CSNK1A1: variants seen among roughly 807,000 people sequenced by gnomAD.
CSNK1A1 encodes casein kinase I isoform alpha.
CSNK1A1 carries 7 observed loss-of-function variants against 46.1 expected under a neutral mutation model. The observed-to-expected ratio is 0.15, with a 90% CI of 0.09 to 0.29. CSNK1A1 has a LOEUF of 0.29. Ranked by LOEUF, CSNK1A1 falls within the 10% of genes least tolerant of loss-of-function variation. CSNK1A1 has a pLI of 1.00. For synonymous variants in CSNK1A1, 137 were observed against 141.5 expected, an observed-to-expected ratio of 0.97 and a Z score of 0.23; for missense variants, 96 against 417.1, an observed-to-expected ratio of 0.23 and a Z score of 6.71.
intron 9 of CSNK1A1, chr5:149,503,544 C>A: frequency 5.1e-6 from 5 of 984,868 alleles, no homozygotes; most frequent in Non-Finnish European, 6.0e-6. Flanking sequence ...ATTTGTATGA[C>A]CATTGTCTCT....
Position 149,493,398 on chromosome 5 carries a change from G to T in CSNK1A1, c.*3455C>A. On this transcript the variant is annotated 3_prime_UTR_variant, in exon 10 of 10. Transcript: ENST00000377843. ...TTTTTTTTTTTAGATTTCCTTTGTGGCACCATAATAGAATGTTCCAGGTTC... is the reference window on the plus strand; with the variant it reads ...TTTTTTTTTTTAGATTTCCTTTGTGTCACCATAATAGAATGTTCCAGGTTC... 7.0e-6 allele frequency: 1 copy of T among 143,162 alleles called. No individual in the cohort carries two copies. The allele number at this position is 143,162 out of a possible 1,614,324, so 8.9% of individuals were successfully genotyped here.
intron 9 of CSNK1A1, chr5:149,499,162 A>C: frequency 3.0e-6 from 3 of 985,404 alleles, no homozygotes; most frequent in Non-Finnish European, 3.6e-6. Context: ...AGTACTAAGC[A>C]TTCTTTTCCC....
At chr5:149,499,986 T>TTTC (rs1760781123) in intron 9 of CSNK1A1, among the ~76,000 whole-genome samples, 1 of 136,918 alleles carries the variant, frequency 7.3e-6, no homozygotes, top group African/African-American at 2.6e-5. Context: ...TTTTTTTTTT[T>TTTC]GAGACGGAGT....
At chr5:149,498,127 C>T in intron 9 of CSNK1A1, 2 of 985,392 alleles carry the variant, frequency 2.0e-6, no homozygotes, top group Non-Finnish European at 2.4e-6. Flanking sequence ...CCACCGTGCC[C>T]AGCTTCTTTT....
chr5:149,531,446 A>C (rs1319318002), intron 2 of CSNK1A1, among the ~76,000 whole-genome samples: 1 of 151,988 alleles, frequency 6.6e-6, no homozygotes, highest in Non-Finnish European at 1.5e-5. Context: ...TGAACCCGGG[A>C]GGCCGAGGTT....
intron 2 of CSNK1A1, among the ~76,000 whole-genome samples, chr5:149,539,376 G>A (rs913040636): frequency 6.6e-6 from 1 of 151,932 alleles, no homozygotes; most frequent in African/African-American, 2.4e-5. Context: ...TGAGATAGGA[G>A]GATCACTGGA....
chr5:149,545,984 G>A (rs911219124), intron 2 of CSNK1A1, among the ~76,000 whole-genome samples: 5 of 151,442 alleles, frequency 3.3e-5, no homozygotes, highest in Non-Finnish European at 7.4e-5. Flanking sequence ...CGCCTCCCAT[G>A]TTCAAGCAAT....
chr5:149,503,029 G>A (rs2113060144), intron 9 of CSNK1A1: 9 of 969,032 alleles, frequency 9.3e-6, no homozygotes, highest in African/African-American at 1.8e-5. Context: ...GCCTCTCAAA[G>A]TGCTGGGATA....
At chr5:149,537,466 A>G (rs541129457) in intron 2 of CSNK1A1, among the ~76,000 whole-genome samples, 2 of 152,270 alleles carry the variant, frequency 1.3e-5, no homozygotes, top group South Asian at 2.1e-4. Context: ...CATAGCACTC[A>G]GCAAAATTCA....
chr5:149,518,596 G>C (rs1761466273), intron 4 of CSNK1A1, among the ~76,000 whole-genome samples: 1 of 152,088 alleles, frequency 6.6e-6, no homozygotes, highest in East Asian at 1.9e-4. Flanking sequence ...TTTAGCATTT[G>C]AATCTTAGTT....
At chr5:149,531,836 C>CA (rs201068827) in intron 2 of CSNK1A1, among the ~76,000 whole-genome samples, 20,443 of 123,894 alleles carry the variant, frequency 0.17, 1,470 homozygotes, top group Middle Eastern at 0.21. Flanking sequence ...GACTCCATCT[C>CA]AAAAAAAAAA....
intron 2 of CSNK1A1, among the ~76,000 whole-genome samples, chr5:149,526,254 C>T (rs1251549857): frequency 2.0e-5 from 3 of 152,284 alleles, no homozygotes; most frequent in East Asian, 3.9e-4. Context: ...CCTCCTATTT[C>T]AGCTTCCCAA....
chr5:149,500,158 G>A (rs13173823), intron 9 of CSNK1A1, among the ~76,000 whole-genome samples: 1 of 122,994 alleles, frequency 8.1e-6, no homozygotes, highest in Non-Finnish European at 1.7e-5. Context: ...TTTTTTTTGA[G>A]ATGGAGTCTT....
chr5:149,527,631 TCTC>T (rs1411845216), intron 2 of CSNK1A1, among the ~76,000 whole-genome samples: 4 of 152,208 alleles, frequency 2.6e-5, no homozygotes, highest in Non-Finnish European at 4.4e-5. Context: ...TAAGCTGGGT[TCTC>T]CTTTCCCTTT....
intron 7 of CSNK1A1, among the ~76,000 whole-genome samples, chr5:149,508,306 A>G (rs949757941): frequency 6.6e-6 from 1 of 152,216 alleles, no homozygotes; most frequent in African/African-American, 2.4e-5. Context: ...CATATTATAC[A>G]TCTTTCTAAA....
At chr5:149,549,563 G>A (rs995435810) in intron 2 of CSNK1A1, 20 of 697,654 alleles carry the variant, frequency 2.9e-5, no homozygotes, top group South Asian at 1.8e-4. Context: ...GCTGAGAAAA[G>A]GGCAGGAATA....
At chr5:149,507,314 T>G (rs1461818192) in intron 7 of CSNK1A1, among the ~76,000 whole-genome samples, 181 bp from the exon 8 acceptor site, 1 of 152,198 alleles carries the variant, frequency 6.6e-6, no homozygotes, top group Non-Finnish European at 1.5e-5. Flanking sequence ...TTCATGACCC[T>G]ACCTACCCTA....
At position 149,550,023 on chromosome 5, in the gene CSNK1A1, TC is replaced by T; in HGVS notation, c.230+51del. 1 of 1,588,988 alleles carries T rather than the reference TC, an allele frequency of 6.3e-7. No individual in the cohort carries two copies. The highest frequency in any genetic ancestry group is 8.6e-7 in the Non-Finnish European group (1 of 1,164,862). ...GTCTCATTACCTGCCTCTACCCACT[TC>T]CCCATTCCGTGCTTCCCTCAGCGGA... On this transcript the variant is annotated intron_variant, in intron 2 of 9. Transcript: ENST00000377843. This position sits in a 1 kb window ranked among gnomAD's most constrained non-coding sequence, Gnocchi z 4.3.
In CSNK1A1 at chr5:149,525,181, C is replaced by A. The variant is rs1356333083; in HGVS notation, c.231-10G>T. ...TTCCTGACCATACCACCTAACGAAA[C>A]AAAAGGAGAAGAGAGGATATTACAA... is the stretch of plus-strand genomic sequence containing the variant. On this transcript the variant is annotated splice_polypyrimidine_tract_variant and intron_variant, in intron 2 of 9. Transcript: ENST00000377843. The surrounding 1 kb of genome is among the most constrained non-coding windows in gnomAD (Gnocchi z 4.2). The A allele has an allele frequency of 3.1e-6, 5 of 1,592,558 alleles. No homozygotes were observed. The highest frequency in any genetic ancestry group is 4.3e-6 in the Non-Finnish European group (5 of 1,172,508).
Sources: allele counts gnomAD v4.1 joint callset (sites outside exome capture counted in the v4.1 genomes callset), GRCh38; gene constraint gnomAD v4.1.1; non-coding constraint Gnocchi (gnomAD v3.1); transcripts MANE v1.5; gene names NCBI Gene and HGNC (gene_info 2026-07-23, HGNC 2026-07-21).